TTC7A: variants seen among roughly 807,000 people sequenced by gnomAD.
TTC7A encodes tetratricopeptide repeat protein 7A.
In TTC7A, 110 loss-of-function variants were observed where a neutral mutation model predicts 103.7. The ratio of observed to expected loss-of-function variants is 1.06; its 90% CI spans 0.91 to 1.24. TTC7A has a LOEUF of 1.24. TTC7A is among the 50% of genes most tolerant of loss of function. The probability of loss-of-function intolerance (pLI) is 0.00; values close to 1 mark genes in which losing one functional copy is unlikely to be tolerated. For missense variants in TTC7A, 1,340 were observed against 1,116.3 expected (o/e 1.20, Z -2.86); for synonymous variants, 521 against 467.9 (o/e 1.11, Z -1.47).
At chr2:46,973,654 C>T (rs569320175) in intron 3 of TTC7A, among the ~76,000 whole-genome samples, 1 of 152,318 alleles carries the variant, frequency 6.6e-6, no homozygotes, top group South Asian at 2.1e-4. Flanking sequence ...GCCTCAGCTC[C>T]AGATACCTTC....
chr2:46,981,829 A>G (rs1369354828), intron 5 of TTC7A, among the ~76,000 whole-genome samples: 2 of 152,212 alleles, frequency 1.3e-5, no homozygotes, highest in Admixed American at 6.5e-5. Flanking sequence ...TGAGTTCTCA[A>G]TTGCCTGGAA....
chr2:47,005,229 AG>A (rs1677249443), intron 8 of TTC7A, among the ~76,000 whole-genome samples: 1 of 151,376 alleles, frequency 6.6e-6, no homozygotes, highest in Non-Finnish European at 1.5e-5. Context: ...ACAGAGAGGA[AG>A]GGAGGGGGGG....
intron 1 of TTC7A, among the ~76,000 whole-genome samples, chr2:46,947,594 G>A (rs1269799572): frequency 6.6e-6 from 1 of 152,162 alleles, no homozygotes; most frequent in East Asian, 1.9e-4. Context: ...GTGCGTGCCT[G>A]TAGTCCCAGC....
rs751669620 is a variant in TTC7A at position 47,073,928 on chromosome 2, G to T, written c.*5G>T. 1.9e-6 allele frequency: 3 copies of T among 1,606,116 alleles called. 1 individual carries two copies. Among genetic ancestry groups the T allele is most frequent in the South Asian group, 2.2e-5 (2 of 90,582 alleles). On this transcript the variant is annotated 3_prime_UTR_variant, in exon 20 of 20. Transcript: ENST00000319190. ...ATCATCCCCAGAGAGCTCTGACGAC[G>T]CTGCAGCCGCAGGGAGGGAGGGGCT...
chr2:46,970,600 G>A (rs778467875), intron 3 of TTC7A, among the ~76,000 whole-genome samples: 1 of 152,244 alleles, frequency 6.6e-6, no homozygotes, highest in Non-Finnish European at 1.5e-5. Flanking sequence ...CATGTCCCCT[G>A]GAATTGGCTG....
rs368491762 is a variant in TTC7A, at chr2:47,011,444, G to T, written c.1392+9G>T. On this transcript the variant is annotated intron_variant, in intron 11 of 19. Coordinates refer to ENST00000319190, the MANE Select transcript of TTC7A (RefSeq NM_020458.4). ...TCGGGTCCCTTCGCTGGGTGAGTGA[G>T]CTGTGAGGGCAGGTCCCAGAGGCCT... 27 of 1,599,664 alleles carry T rather than the reference G, an allele frequency of 1.7e-5. No homozygotes were observed. In the African/African-American group the frequency reaches 3.1e-4, roughly 18 times the overall value.
chr2:46,941,445 C>T lies in TTC7A; in HGVS notation c.-97C>T, dbSNP rs1670365761. ...GGGCCCCGGCTGCCGTCTGCGCCCC[C>T]GTCGACCCCGCCCGCGAGTGCGCCC... On this transcript the variant is annotated 5_prime_UTR_variant, in exon 1 of 20. Transcript: ENST00000319190. The surrounding 1 kb of genome is among the most constrained non-coding windows in gnomAD (Gnocchi z 4.2). The T allele has an allele frequency of 2.2e-6, 3 of 1,354,030 alleles. No individual in the cohort carries two copies. The highest frequency in any genetic ancestry group is 2.9e-6 in the Non-Finnish European group (3 of 1,034,834). The allele number at this position is 1,354,030 out of a possible 1,614,324, so 83.9% of individuals were successfully genotyped here.
Position 46,977,742 on chromosome 2 carries a change from A to G in TTC7A, c.649-1050A>G, listed in dbSNP as rs151334805. On this transcript the variant is annotated intron_variant, in intron 4 of 19. Coordinates refer to ENST00000319190, the MANE Select transcript of TTC7A (RefSeq NM_020458.4). ...TTGTGATCTTAGGCATTAAATTATT[A>G]TTGATGGATTGATTGGGACAGAGCC... Among the ~76,000 whole-genome samples, 41 of 152,266 alleles carry G rather than the reference A, an allele frequency of 2.7e-4. No homozygotes were observed. The East Asian group carries it at 6.2e-3, about 23-fold the overall frequency.
intron 2 of TTC7A, among the ~76,000 whole-genome samples, chr2:46,922,219 A>G (rs1669141624): frequency 6.6e-6 from 1 of 152,178 alleles, no homozygotes; most frequent in Non-Finnish European, 1.5e-5. Context: ...CCAGGCTGAT[A>G]CTATAATGTT....
At chr2:46,946,960 G>A (rs533893843) in intron 1 of TTC7A, among the ~76,000 whole-genome samples, 6 of 152,226 alleles carry the variant, frequency 3.9e-5, no homozygotes, top group African/African-American at 7.2e-5. Flanking sequence ...TTGAGTTGGG[G>A]GCTGAAAGGG....
intron 8 of TTC7A, among the ~76,000 whole-genome samples, chr2:47,001,859 CAAAAAAA>C (rs397871545): frequency 0.14 from 13,027 of 90,530 alleles, 720 homozygotes; most frequent in Admixed American, 0.2. Context: ...GACTCTGTCT[CAAAAAAA>C]AAAAAAAAAA....
intron 15 of TTC7A, among the ~76,000 whole-genome samples, chr2:47,037,373 G>A (rs373566202): frequency 5.9e-5 from 9 of 152,198 alleles, no homozygotes; most frequent in African/African-American, 2.2e-4. Context: ...TTGTTTTTTG[G>A]AAGGAAGAGA....
At chr2:46,970,203 G>C (rs1238444747) in intron 3 of TTC7A, among the ~76,000 whole-genome samples, 1 of 152,070 alleles carries the variant, frequency 6.6e-6, no homozygotes, top group Admixed American at 6.5e-5. Flanking sequence ...TTCCCAGGCT[G>C]GTCTCAAACT....
chr2:47,056,654 T>C (rs10460536), intron 18 of TTC7A, among the ~76,000 whole-genome samples: 22,542 of 152,100 alleles, frequency 0.15, 2,951 homozygotes, highest in East Asian at 0.63. Flanking sequence ...AAAGGGCCTC[T>C]TGCAAAGCTC....
chr2:47,014,670 C>T (rs941844565), intron 11 of TTC7A, among the ~76,000 whole-genome samples: 1 of 152,246 alleles, frequency 6.6e-6, no homozygotes, highest in Admixed American at 6.5e-5. Flanking sequence ...CTCACACCCC[C>T]TTCGTCTCCT....
At chr2:47,046,507 A>G (rs1682339242) in intron 16 of TTC7A, 76 bp downstream of exon 16, 4 of 1,139,154 alleles carry the variant, frequency 3.5e-6, no homozygotes, top group Middle Eastern at 2.1e-4. Context: ...GGTGGCCACC[A>G]TGCCTGCCAA....
intron 10 of TTC7A, among the ~76,000 whole-genome samples, chr2:47,006,925 CGGTGTGCT>C (rs1327951893): frequency 2.0e-5 from 3 of 152,058 alleles, no homozygotes; most frequent in African/African-American, 7.3e-5. Flanking sequence ...GTGAGTGTGC[CGGTGTGCT>C]GGTGTGAGTC....
chr2:47,023,083 G>A (rs1415850904), intron 12 of TTC7A, among the ~76,000 whole-genome samples: 1 of 152,246 alleles, frequency 6.6e-6, no homozygotes, highest in Non-Finnish European at 1.5e-5. Flanking sequence ...AAGGTATGTG[G>A]CCAGGCAGAG....
chr2:47,002,034 C>T (rs976481840), intron 8 of TTC7A, among the ~76,000 whole-genome samples: 3 of 152,138 alleles, frequency 2.0e-5, no homozygotes, highest in African/African-American at 4.8e-5. Flanking sequence ...GTTATGCTAG[C>T]AGTGCTGAGC....
Sources: allele counts gnomAD v4.1 joint callset (sites outside exome capture counted in the v4.1 genomes callset), GRCh38; gene constraint gnomAD v4.1.1; non-coding constraint Gnocchi (gnomAD v3.1); transcripts MANE v1.5; gene names NCBI Gene and HGNC (gene_info 2026-07-23, HGNC 2026-07-21).